SNX29: variants seen among roughly 807,000 people sequenced by gnomAD.
The protein encoded by SNX29 is sorting nexin 29.
SNX29 carries 78 observed loss-of-function variants against 102.1 expected under a neutral mutation model. The ratio of observed to expected loss-of-function variants is 0.76; its 90% CI spans 0.64 to 0.92. The LOEUF (loss-of-function observed/expected upper bound fraction) is 0.92. SNX29 is among the 40% of genes least tolerant of loss of function. The pLI is 0.00. For missense variants in SNX29, 1,280 were observed against 1,061.7 expected (o/e 1.21, Z -2.86); for synonymous variants, 580 against 414.5 (o/e 1.40, Z -4.85).
At chr16:12,556,273 T>G (rs2078342235) in intron 20 of SNX29, 2 of 152,254 alleles carry the variant, frequency 1.3e-5, no homozygotes, top group South Asian at 2.1e-4. Context: ...TGGCAAGAAA[T>G]CCGAGGTCCT....
chr16:12,121,449 G>A (rs1167246014), intron 11 of SNX29, among the ~76,000 whole-genome samples: 1 of 152,264 alleles, frequency 6.6e-6, no homozygotes, highest in South Asian at 2.1e-4. Context: ...CTGCAGGTCG[G>A]CCCGCACTTC....
intron 13 of SNX29, among the ~76,000 whole-genome samples, chr16:12,142,860 C>T (rs1284319532): frequency 3.9e-5 from 6 of 151,930 alleles, no homozygotes; most frequent in African/African-American, 1.2e-4. Context: ...CGCTTCTGGC[C>T]GATATTGTTT....
At chr16:12,022,718 T>C (rs914481383) in intron 3 of SNX29, among the ~76,000 whole-genome samples, 6 of 152,124 alleles carry the variant, frequency 3.9e-5, no homozygotes, top group Non-Finnish European at 8.8e-5. Context: ...GATAATCCTA[T>C]TGTAGAGTCA....
intron 13 of SNX29, among the ~76,000 whole-genome samples, chr16:12,170,481 G>C (rs1443585305): frequency 1.3e-5 from 2 of 151,856 alleles, no homozygotes; most frequent in Non-Finnish European, 1.5e-5. Flanking sequence ...GTGTGGATGG[G>C]TGTGCCTGCC....
At chr16:12,445,303 A>G (rs550737704) in intron 18 of SNX29, among the ~76,000 whole-genome samples, 1 of 152,220 alleles carries the variant, frequency 6.6e-6, no homozygotes, top group African/African-American at 2.4e-5. Context: ...AACATTTATC[A>G]TCTGGCTGGC....
intron 16 of SNX29, chr16:12,374,026 A>C (rs905036367): frequency 1.2e-4 from 19 of 152,238 alleles, no homozygotes; most frequent in Non-Finnish European, 2.6e-4. Flanking sequence ...GCCAGGGCTT[A>C]ACTGGGGAAG....
At chr16:12,210,595 T>A (rs114385754) in intron 14 of SNX29, among the ~76,000 whole-genome samples, 2 of 152,038 alleles carry the variant, frequency 1.3e-5, no homozygotes, top group African/African-American at 4.8e-5. Flanking sequence ...CCTCTCCCTC[T>A]GGACTCCTCC....
intron 15 of SNX29, among the ~76,000 whole-genome samples, chr16:12,306,507 A>T (rs956971471): frequency 6.6e-6 from 1 of 152,186 alleles, no homozygotes; most frequent in African/African-American, 2.4e-5. Context: ...CTGGAGAATT[A>T]GCGTATTACA....
intron 15 of SNX29, among the ~76,000 whole-genome samples, chr16:12,337,819 C>T (rs1408853892): frequency 2.6e-5 from 4 of 152,166 alleles, no homozygotes; most frequent in Non-Finnish European, 4.4e-5. Flanking sequence ...AGCATCTTCC[C>T]TCATCATCTC....
At chr16:12,300,679 G>A (rs1442690808) in intron 15 of SNX29, among the ~76,000 whole-genome samples, 1 of 152,212 alleles carries the variant, frequency 6.6e-6, no homozygotes, top group Non-Finnish European at 1.5e-5. Context: ...TTCTCTTTGA[G>A]TTCCAGGCAC....
chr16:11,979,472 A>C (rs542895325), intron 1 of SNX29, among the ~76,000 whole-genome samples: 5 of 152,322 alleles, frequency 3.3e-5, no homozygotes, highest in Non-Finnish European at 7.3e-5. Context: ...ATGCAGTTGA[A>C]AGTGGGTTTC....
chr16:12,516,978 A>G (rs1260081458), intron 19 of SNX29, among the ~76,000 whole-genome samples: 1 of 152,208 alleles, frequency 6.6e-6, no homozygotes, highest in African/African-American at 2.4e-5. Context: ...TGAAGCTCAA[A>G]ATAAAATTAA....
chr16:12,054,865 C>T (rs1038903393), intron 8 of SNX29, among the ~76,000 whole-genome samples: 3 of 152,102 alleles, frequency 2.0e-5, no homozygotes, highest in African/African-American at 4.8e-5. Context: ...GAAATGTTTC[C>T]CCTTTTGTTG....
At chr16:12,237,148 G>A (rs2077960013) in intron 14 of SNX29, among the ~76,000 whole-genome samples, 1 of 152,220 alleles carries the variant, frequency 6.6e-6, no homozygotes, top group Non-Finnish European at 1.5e-5. Context: ...AGTCTCCAGA[G>A]TAGGCAGGTG....
At chr16:12,544,535 G>C (rs998020393) in intron 20 of SNX29, among the ~76,000 whole-genome samples, 4 of 152,180 alleles carry the variant, frequency 2.6e-5, no homozygotes, top group Non-Finnish European at 4.4e-5. Flanking sequence ...GTGTGGCCTA[G>C]GAACATTCTC....
At chr16:12,212,339 C>T (rs562026140) in intron 14 of SNX29, among the ~76,000 whole-genome samples, 6 of 152,244 alleles carry the variant, frequency 3.9e-5, no homozygotes, top group African/African-American at 1.2e-4. Flanking sequence ...ATTGACTTTC[C>T]GCTTCTCAGG....
intron 14 of SNX29, among the ~76,000 whole-genome samples, chr16:12,211,721 G>A (rs1012291228): frequency 7.9e-5 from 12 of 152,188 alleles, no homozygotes; most frequent in Non-Finnish European, 1.3e-4. Flanking sequence ...TCCAAAGGCC[G>A]TCTGGGGGCA....
intron 20 of SNX29, among the ~76,000 whole-genome samples, chr16:12,540,964 C>A (rs1337231748): frequency 6.6e-6 from 1 of 152,198 alleles, no homozygotes; most frequent in Non-Finnish European, 1.5e-5. Context: ...GTAGTTCAGG[C>A]TGGAGGATGC....
intron 15 of SNX29, among the ~76,000 whole-genome samples, chr16:12,330,357 C>T (rs1204231680): frequency 1.3e-5 from 2 of 152,126 alleles, no homozygotes. Context: ...ATCCCAGCTA[C>T]TCGGGAGGCT....
Sources: allele counts gnomAD v4.1 joint callset (sites outside exome capture counted in the v4.1 genomes callset), GRCh38; gene constraint gnomAD v4.1.1; transcripts MANE v1.5; gene names NCBI Gene and HGNC (gene_info 2026-07-23, HGNC 2026-07-21).